Variants in NBEA observed in about 807,000 individuals in gnomAD.
NBEA encodes lysosomal-trafficking regulator 2.
A neutral mutation model predicts 343.4 loss-of-function variants in NBEA; 44 were observed. The ratio of observed to expected loss-of-function variants is 0.13; its 90% CI spans 0.10 to 0.16. The LOEUF is 0.16. NBEA is among the 10% of genes least tolerant of loss of function. The pLI, the probability that NBEA is intolerant of heterozygous loss-of-function variation, is 1.00. For synonymous variants in NBEA, 1,175 were observed against 1,238.7 expected (o/e 0.95, Z 1.08); for missense variants, 2,555 against 3,631.3 (o/e 0.70, Z 7.62).
At chr13:35,238,979 G>A (rs55966064) in intron 34 of NBEA, among the ~76,000 whole-genome samples, 6,806 of 151,900 alleles carry the variant, frequency 0.045, 179 homozygotes, top group South Asian at 0.079. Context: ...AGCATTATAG[G>A]CACATAATCA....
intron 32 of NBEA, among the ~76,000 whole-genome samples, chr13:35,209,495 A>G (rs1593757325): frequency 6.6e-6 from 1 of 152,250 alleles, no homozygotes; most frequent in Non-Finnish European, 1.5e-5. Flanking sequence ...AAGTCTGCCT[A>G]AAATAACCTT....
intron 10 of NBEA, among the ~76,000 whole-genome samples, chr13:35,085,456 C>A (rs2064698214): frequency 6.6e-6 from 1 of 152,110 alleles, no homozygotes; most frequent in South Asian, 2.1e-4. Flanking sequence ...TGTAATCCAG[C>A]ATATGAACAG....
intron 10 of NBEA, among the ~76,000 whole-genome samples, chr13:35,093,327 A>G (rs920579143): frequency 3.4e-4 from 52 of 152,114 alleles, no homozygotes; most frequent in Admixed American, 3.1e-3. Context: ...AAAAAAAAAA[A>G]AAGAGAAATT....
At chr13:35,596,089 CGTGTGCGTGT>C (rs2081785266) in intron 47 of NBEA, among the ~76,000 whole-genome samples, 1 of 150,974 alleles carries the variant, frequency 6.6e-6, no homozygotes, top group Non-Finnish European at 1.5e-5. Flanking sequence ...TGTGTGTGTG[CGTGTGCGTGT>C]GTGTGCATGT....
intron 41 of NBEA, among the ~76,000 whole-genome samples, chr13:35,543,928 T>A (rs1486598403): frequency 6.6e-6 from 1 of 152,142 alleles, no homozygotes; most frequent in Non-Finnish European, 1.5e-5. Flanking sequence ...AGTTTGTAGA[T>A]CGACTTTCCT....
chr13:35,273,258 GTAAA>G (rs1280698605), intron 34 of NBEA, among the ~76,000 whole-genome samples: 2 of 152,260 alleles, frequency 1.3e-5, no homozygotes, highest in African/African-American at 4.8e-5. Context: ...TGTCTACTGG[GTAAA>G]TAACGAAATG....
intron 48 of NBEA, among the ~76,000 whole-genome samples, chr13:35,614,635 T>C (rs2082657298): frequency 6.6e-6 from 1 of 152,200 alleles, no homozygotes; most frequent in African/African-American, 2.4e-5. Context: ...CACTGCTGAT[T>C]TGGAAGTTGT....
chr13:35,139,532 A>C (rs567561108), intron 17 of NBEA, among the ~76,000 whole-genome samples: 1 of 152,294 alleles, frequency 6.6e-6, no homozygotes, highest in East Asian at 1.9e-4. Flanking sequence ...AAATCCTGTC[A>C]AACTCAAGAT....
At position 35,339,179 on chromosome 13, in the gene NBEA, A is replaced by G. The variant is rs61581084; in HGVS notation, c.5904-9929A>G. On this transcript the variant is annotated intron_variant, in intron 36 of 58. Transcript: ENST00000379939. ...AGTTAATTAAGAAAACAAAATAAAA[A>G]CTGTCTAAATTGAAAACGAAGAAAC... Among the ~76,000 whole-genome samples the G allele has an allele frequency of 2.6e-5, 4 of 152,020 alleles. No individual in the cohort carries two copies. In the East Asian group the frequency reaches 7.7e-4, roughly 29 times the overall value.
In NBEA at chr13:35,452,158, C is replaced by T. The variant is rs1000424063; in HGVS notation, c.6371C>T (p.Ala2124Val). The T allele has an allele frequency of 1.2e-6, 2 of 1,610,168 alleles. No homozygotes were observed. Among genetic ancestry groups the T allele is most frequent in the South Asian group, 1.1e-5 (1 of 90,344 alleles). Reference sequence around the variant, plus strand: ...AGTCAAGCAATAGTGAACCAAAATGCAGAGACAGAACTTATGCTGGAAGGA... The same window carrying T: ...AGTCAAGCAATAGTGAACCAAAATGTAGAGACAGAACTTATGCTGGAAGGA... ...FRSQAIVNQN[A>V]ETELMLEGDD... The change falls in exon 40 of 59, where the codon GCA becomes GTA. Residue 2124 changes from alanine (A) to valine (V), a missense_variant. This residue lies in a region of NBEA where 246 missense variants were observed against 313.7 expected (regional missense o/e 0.78). Transcript: ENST00000379939.
intron 47 of NBEA, among the ~76,000 whole-genome samples, chr13:35,597,345 G>A (rs999172661): frequency 6.6e-6 from 1 of 152,058 alleles, no homozygotes; most frequent in African/African-American, 2.4e-5. Context: ...GTGTTTTCCT[G>A]CACTGTTTTT....
chr13:35,347,994 T>G (rs1594301838), intron 36 of NBEA, among the ~76,000 whole-genome samples: 1 of 152,130 alleles, frequency 6.6e-6, no homozygotes, highest in Admixed American at 6.6e-5. Context: ...TGGCATCTTA[T>G]GTCCTAGCCT....
At chr13:35,641,151 C>T (rs183333912) in intron 49 of NBEA, among the ~76,000 whole-genome samples, 2 of 152,168 alleles carry the variant, frequency 1.3e-5, no homozygotes, top group Non-Finnish European at 2.9e-5. Flanking sequence ...AATAAGTTAT[C>T]AGTACCCTAA....
chr13:35,289,648 T>C (rs2035670842), intron 34 of NBEA, among the ~76,000 whole-genome samples: 1 of 151,904 alleles, frequency 6.6e-6, no homozygotes, highest in Non-Finnish European at 1.5e-5. Flanking sequence ...GGAATAATAA[T>C]ACTATGTCAC....
At chr13:35,031,691 A>G (rs780958173) in intron 1 of NBEA, among the ~76,000 whole-genome samples, 8 of 151,542 alleles carry the variant, frequency 5.3e-5, no homozygotes, top group Non-Finnish European at 1.0e-4. Context: ...GGTTTGTTAC[A>G]TAGGTAAACT....
intron 33 of NBEA, among the ~76,000 whole-genome samples, chr13:35,214,295 A>T (rs1283776408): frequency 1.3e-5 from 2 of 151,950 alleles, no homozygotes; most frequent in East Asian, 1.9e-4. Context: ...TAGTAAGTGT[A>T]TGCTTAACCA....
At position 35,476,018 on chromosome 13, in the gene NBEA, C is replaced by T. The variant is rs139304367; in HGVS notation, c.6585+3482C>T. 209 of 1,614,082 alleles carry T rather than the reference C, an allele frequency of 1.3e-4. 1 individual carries two copies. The highest frequency in any genetic ancestry group is 1.9e-5 in the Non-Finnish European group (22 of 1,180,050). On this transcript the variant is annotated intron_variant, in intron 41 of 58. Transcript: ENST00000379939. ...TCCTGCACTTCCACTTCCTTCAGTA[C>T]GTCGGAAACTACTTTGCAGACTTCC...
At chr13:35,115,825 C>G (rs903316245) in intron 13 of NBEA, among the ~76,000 whole-genome samples, 1 of 152,118 alleles carries the variant, frequency 6.6e-6, no homozygotes, top group Non-Finnish European at 1.5e-5. Flanking sequence ...ATATGTTGAT[C>G]TATTTAATCC....
chr13:34,945,688 A>C (rs1251809864), intron 1 of NBEA, among the ~76,000 whole-genome samples: 2 of 152,150 alleles, frequency 1.3e-5, no homozygotes, highest in African/African-American at 4.8e-5. Flanking sequence ...ACTTCAAAAA[A>C]AAGAGGAGTT....
Sources: gnomAD v4.1 joint callset for allele counts (sites outside exome capture counted in the v4.1 genomes callset) on GRCh38, gnomAD v4.1.1 for gene constraint, gnomAD v4.1.1 regional missense constraint, MANE v1.5 for transcripts, NCBI Gene and HGNC (gene_info 2026-07-23, HGNC 2026-07-21) for gene names.